The following CDADC1 variants were observed in gnomAD, a reference collection of about 807,000 sequenced individuals.
The protein encoded by CDADC1 is dCTP deaminase.
Under a neutral mutation model 54.9 loss-of-function variants are expected in CDADC1, and 39 were observed. That is an observed-to-expected ratio of 0.71 (90% confidence interval 0.55 to 0.93). The LOEUF (loss-of-function observed/expected upper bound fraction) is 0.93, where lower values mean the gene tolerates loss of function less well. Ranked by LOEUF, CDADC1 falls within the 40% of genes least tolerant of loss-of-function variation. The pLI is 0.00. For missense variants in CDADC1, 518 were observed against 618.8 expected, an observed-to-expected ratio of 0.84 and a Z score of 1.73; for synonymous variants, 186 against 204.0, an observed-to-expected ratio of 0.91 and a Z score of 0.75.
At chr13:49,279,778 A>T (rs1953263170) in intron 7 of CDADC1, among the ~76,000 whole-genome samples, 1 of 152,174 alleles carries the variant, frequency 6.6e-6, no homozygotes, top group Non-Finnish European at 1.5e-5. Flanking sequence ...GAGCTACGTA[A>T]GCCTCAGAAC....
chr13:49,257,710 C>T (rs757968502), intron 3 of CDADC1, among the ~76,000 whole-genome samples: 8 of 152,110 alleles, frequency 5.3e-5, no homozygotes, highest in Non-Finnish European at 1.0e-4. Context: ...TGCAGTGAGC[C>T]GAGATAGTGC....
intron 3 of CDADC1, among the ~76,000 whole-genome samples, chr13:49,256,344 CT>C (rs1209826012): frequency 6.6e-6 from 1 of 152,152 alleles, no homozygotes; most frequent in Non-Finnish European, 1.5e-5. Context: ...ATCTGGCTTA[CT>C]TTCTGCTGTG....
intron 8 of CDADC1, among the ~76,000 whole-genome samples, chr13:49,281,409 A>G (rs556518877): frequency 3.9e-5 from 6 of 152,150 alleles, no homozygotes; most frequent in South Asian, 2.1e-4. Flanking sequence ...GTGGAAGACA[A>G]TTTTTCCACA....
intron 5 of CDADC1, among the ~76,000 whole-genome samples, chr13:49,273,202 G>T (rs973973441): frequency 6.6e-6 from 1 of 152,108 alleles, no homozygotes; most frequent in African/African-American, 2.4e-5. Flanking sequence ...AATTTTCTTT[G>T]TACCTTTACT....
At chr13:49,272,403 A>G (rs941156672) in intron 5 of CDADC1, among the ~76,000 whole-genome samples, 20 of 152,154 alleles carry the variant, frequency 1.3e-4, no homozygotes, top group Non-Finnish European at 2.2e-4. Context: ...TGTTTACACC[A>G]AAATCCCTTT....
Position 49,255,872 on chromosome 13 carries a change from G to T in CDADC1, c.211G>T (p.Asp71Tyr). The change falls in exon 3 of 10, where the codon GAT becomes TAT. Residue 71 changes from aspartate (D) to tyrosine (Y), a missense_variant. Asp to Tyr is a radical substitution (Grantham distance 160). Transcript: ENST00000251108. ...NEEGKHGPLG[D>Y]NEERTRVSTD... The stretch of plus-strand genomic sequence containing the variant: ...AGAGGGAAAGCATGGACCCTTAGGA[G>T]ATAATGAAGAGAGGACCAGAGTATC... 6.2e-7 allele frequency: 1 copy of T among 1,611,734 alleles called. No homozygotes were observed. Among genetic ancestry groups the T allele is most frequent in the Non-Finnish European group, 8.5e-7 (1 of 1,179,274 alleles).
At chr13:49,256,034 A>T (rs1204447510) in intron 3 of CDADC1, 121 bp downstream of exon 3, 5 of 1,380,112 alleles carry the variant, frequency 3.6e-6, no homozygotes, top group Non-Finnish European at 4.8e-6. Context: ...ACTCTTCTAA[A>T]AATGGTCTGT....
intron 6 of CDADC1, among the ~76,000 whole-genome samples, chr13:49,275,879 C>T (rs1953119218): frequency 1.3e-5 from 2 of 151,116 alleles, no homozygotes; most frequent in Admixed American, 6.6e-5. Context: ...AGCAATTCTC[C>T]TGTCTCAGCC....
chr13:49,262,322 A>G (rs1290901435), intron 4 of CDADC1, among the ~76,000 whole-genome samples: 1 of 152,074 alleles, frequency 6.6e-6, no homozygotes, highest in Non-Finnish European at 1.5e-5. Context: ...GCATGCCTGT[A>G]GTCCCAGCTA....
In CDADC1 at chr13:49,290,466, A is replaced by G. The variant is rs563032806; in HGVS notation, c.1472-1218A>G. Among the ~76,000 whole-genome samples the G allele has an allele frequency of 2.3e-3, 354 of 152,240 alleles. 1 individual carries two copies. The highest frequency in any genetic ancestry group is 8.2e-3 in the African/African-American group (339 of 41,540). On this transcript the variant is annotated intron_variant, in intron 9 of 9. Transcript: ENST00000251108. ...ATTACATGATATGATGAGAACAAGA[A>G]AGAGAGAGGGGTGGCTTTCCAGATC...
In CDADC1 at chr13:49,278,385, A is replaced by G; in HGVS notation, c.1086A>G (p.Val362=). The G allele has an allele frequency of 3.1e-6, 5 of 1,592,766 alleles. No homozygotes were observed. Among genetic ancestry groups the G allele is most frequent in the Non-Finnish European group, 3.4e-6 (4 of 1,164,048 alleles). The part of the protein sequence containing the change: ...SCDGTGAMYF[V]GCGYNAFPVG... ...ATGGAACAGGTGCCATGTACTTTGT[A>G]GGATGTGGTTACAATGCTTTTCCTG... The change falls in exon 7 of 10, where the codon GTA becomes GTG. Residue 362 remains valine (V), a synonymous_variant. Coordinates refer to ENST00000251108, the MANE Select transcript of CDADC1 (RefSeq NM_030911.4).
chr13:49,278,135 T>C (rs1953200783), intron 6 of CDADC1, among the ~76,000 whole-genome samples: 1 of 152,218 alleles, frequency 6.6e-6, no homozygotes, highest in Admixed American at 6.5e-5. Flanking sequence ...CTTGAGATTA[T>C]AGATTAGAGA....
chr13:49,259,780 A>G (rs950849484), intron 4 of CDADC1, among the ~76,000 whole-genome samples: 1 of 152,094 alleles, frequency 6.6e-6, no homozygotes, highest in Non-Finnish European at 1.5e-5. Flanking sequence ...CCAGGATGTC[A>G]AGGATACAAT....
chr13:49,272,496 G>A lies in CDADC1; in HGVS notation c.1001-1795G>A, dbSNP rs571445925. Among the ~76,000 whole-genome samples, 4 of 152,162 alleles carry A rather than the reference G, an allele frequency of 2.6e-5. No homozygotes were observed. The East Asian group carries it at 7.7e-4, about 29-fold the overall frequency. ...TTTCCTTCAGAGCACAGCACATAAA[G>A]TACTGTTTGTTTCCTTGTTGCTGTT... On this transcript the variant is annotated intron_variant, in intron 5 of 9. Coordinates refer to ENST00000251108, the MANE Select transcript of CDADC1 (RefSeq NM_030911.4).
chr13:49,257,009 G>A (rs1952563012), intron 3 of CDADC1, among the ~76,000 whole-genome samples: 1 of 152,186 alleles, frequency 6.6e-6, no homozygotes, highest in African/African-American at 2.4e-5. Context: ...TTAGCGAAGT[G>A]AGGCAAAATC....
chr13:49,279,397 TGGAAG>T (rs918093127), intron 7 of CDADC1, among the ~76,000 whole-genome samples: 3 of 152,098 alleles, frequency 2.0e-5, no homozygotes, highest in African/African-American at 7.2e-5. Flanking sequence ...CTGGGGCAAT[TGGAAG>T]GGAAGGGAAG....
intron 2 of CDADC1, among the ~76,000 whole-genome samples, chr13:49,253,463 A>G (rs780978008): frequency 1.3e-5 from 2 of 152,220 alleles, no homozygotes; most frequent in Admixed American, 6.5e-5. Context: ...TAGAGTAGCC[A>G]GTGGTTTTAC....
chr13:49,261,674 C>A lies in CDADC1; in HGVS notation c.430+2151C>A, dbSNP rs554923695. Among the ~76,000 whole-genome samples the A allele has an allele frequency of 4.1e-4, 63 of 152,212 alleles. No homozygotes were observed. The South Asian group carries it at 0.013, about 31-fold the overall frequency. On this transcript the variant is annotated intron_variant, in intron 4 of 9. Transcript: ENST00000251108. The stretch of plus-strand genomic sequence containing the variant: ...CAGAAATGAAAGAATGTGAAAGAAC[C>A]AAAACATTTGTTGGCTGATCTGTTC...
intron 6 of CDADC1, among the ~76,000 whole-genome samples, chr13:49,276,372 G>T (rs1953134142): frequency 1.3e-5 from 2 of 152,114 alleles, no homozygotes; most frequent in African/African-American, 4.8e-5. Context: ...AAAGAGATGA[G>T]GACTTGGAGA....
Sources: gnomAD v4.1 joint callset for allele counts (sites outside exome capture counted in the v4.1 genomes callset) on GRCh38, gnomAD v4.1.1 for gene constraint, MANE v1.5 for transcripts, NCBI Gene and HGNC (gene_info 2026-07-23, HGNC 2026-07-21) for gene names.